The following RGL1 variants were observed in gnomAD, a reference collection of about 807,000 sequenced individuals.
RGL1 encodes ral guanine nucleotide dissociation stimulator like 1, also known as ral guanine nucleotide dissociation stimulator-like 1.
In RGL1, 24 loss-of-function variants were observed where a neutral mutation model predicts 95.2. That is an observed-to-expected ratio of 0.25 (90% confidence interval 0.18 to 0.35). The LOEUF is 0.35. Among genes scored for constraint, RGL1 ranks in the 10% least tolerant of loss-of-function variants. RGL1 has a pLI of 1.00. For missense variants in RGL1, 715 were observed against 936.3 expected (o/e 0.76, Z 3.08); for synonymous variants, 329 against 344.9 (o/e 0.95, Z 0.51).
intron 2 of RGL1, among the ~76,000 whole-genome samples, chr1:183,768,732 A>G (rs964930776): frequency 3.3e-5 from 5 of 152,186 alleles, no homozygotes; most frequent in African/African-American, 7.2e-5. Context: ...TTGGCCTCCC[A>G]AAGTGCTGGG....
intron 15 of RGL1, among the ~76,000 whole-genome samples, chr1:183,913,538 G>A (rs940995318): frequency 2.0e-5 from 3 of 152,052 alleles, no homozygotes; most frequent in Non-Finnish European, 1.5e-5. Context: ...TTGGTTGAAG[G>A]GTTTGGATCA....
chr1:183,731,839 A>G (rs1656645029), intron 1 of RGL1, among the ~76,000 whole-genome samples: 1 of 152,164 alleles, frequency 6.6e-6, no homozygotes, highest in Non-Finnish European at 1.5e-5. Flanking sequence ...TTTGAAATAT[A>G]ATCTATCATT....
At chr1:183,837,446 G>A (rs1005475551) in intron 2 of RGL1, among the ~76,000 whole-genome samples, 2 of 152,106 alleles carry the variant, frequency 1.3e-5, no homozygotes, top group South Asian at 2.1e-4. Flanking sequence ...GAAAAAGGAG[G>A]GAGCTATGAA....
chr1:183,814,966 T>G (rs1309366998), intron 2 of RGL1, among the ~76,000 whole-genome samples: 5 of 152,212 alleles, frequency 3.3e-5, no homozygotes, highest in African/African-American at 9.6e-5. Flanking sequence ...AGTCATGACT[T>G]TTCCAATTAA....
intron 1 of RGL1, among the ~76,000 whole-genome samples, chr1:183,676,458 T>A (rs1436503508): frequency 6.6e-6 from 1 of 151,966 alleles, no homozygotes; most frequent in East Asian, 2.0e-4. Context: ...TTCTTTCCAC[T>A]CATCCATATG....
At chr1:183,762,870 C>T (rs139706296) in intron 2 of RGL1, among the ~76,000 whole-genome samples, 2,328 of 152,202 alleles carry the variant, frequency 0.015, 75 homozygotes, top group African/African-American at 0.054. Context: ...TGCCATTTGA[C>T]CCAGAAATCC....
At chr1:183,911,656 T>C in intron 14 of RGL1, among the ~76,000 whole-genome samples, 1 of 152,256 alleles carries the variant, frequency 6.6e-6, no homozygotes, top group East Asian at 1.9e-4. Flanking sequence ...GCATTTAGGA[T>C]ACTGTAGTTC....
At chr1:183,878,892 C>G (rs1042472586) in intron 4 of RGL1, among the ~76,000 whole-genome samples, 2 of 152,136 alleles carry the variant, frequency 1.3e-5, no homozygotes, top group African/African-American at 4.8e-5. Flanking sequence ...AGTATCTTTT[C>G]ACTGAAATAT....
chr1:183,869,859 G>A (rs1414575019), intron 4 of RGL1, among the ~76,000 whole-genome samples: 2 of 152,146 alleles, frequency 1.3e-5, no homozygotes, highest in African/African-American at 4.8e-5. Flanking sequence ...ATGATTGAGG[G>A]CTTCCTGATG....
chr1:183,900,280 A>T (rs1272604485), intron 11 of RGL1, 44 bp downstream of exon 11: 1 of 1,461,822 alleles, frequency 6.8e-7, no homozygotes, highest in East Asian at 2.3e-5. Flanking sequence ...CAGCCTTCCC[A>T]CTGGATACCC....
At chr1:183,853,501 G>A (rs1468578343) in intron 3 of RGL1, among the ~76,000 whole-genome samples, 1 of 152,066 alleles carries the variant, frequency 6.6e-6, no homozygotes, top group Non-Finnish European at 1.5e-5. Flanking sequence ...GGACATTCGG[G>A]GTTTTTAAAG....
chr1:183,667,136 A>G (rs1418412691), intron 1 of RGL1, among the ~76,000 whole-genome samples: 1 of 152,192 alleles, frequency 6.6e-6, no homozygotes, highest in African/African-American at 2.4e-5. Flanking sequence ...CTCTGAAATT[A>G]ATGTAGCTAC....
At chr1:183,719,295 A>G (rs1332471095) in intron 1 of RGL1, among the ~76,000 whole-genome samples, 1 of 152,238 alleles carries the variant, frequency 6.6e-6, no homozygotes, top group Non-Finnish European at 1.5e-5. Flanking sequence ...CTTACTGAGC[A>G]GTCCTGCACC....
In RGL1 at chr1:183,923,872, TGG is replaced by T. The variant is rs1230325009; in HGVS notation, c.2119+1537_2119+1538del. On this transcript the variant is annotated intron_variant, in intron 17 of 17. Coordinates refer to ENST00000360851, the MANE Select transcript of RGL1 (RefSeq NM_001297671.3). ...AACCTGCTCATATCAGTCTTGTTGT[TGG>T]ATATCAATGTTTGAAGTTAACTTAA... is the stretch of plus-strand genomic sequence containing the variant. 2.6e-5 allele frequency among the ~76,000 whole-genome samples: 4 copies of T among 152,366 alleles called. 1 individual carries two copies. The South Asian group carries it at 6.2e-4, about 24-fold the overall frequency.
rs1294731450 is a variant in RGL1 at position 183,736,328 on chromosome 1, G to T, written c.-32-5798G>T. On this transcript the variant is annotated intron_variant, in intron 1 of 18. Coordinates refer to the RGL1 transcript ENST00000304685. ...GTTTTGCTTTCTACATTTGAGGGAG[G>T]TGAATGCTTTACTTTTGTAACTGTA... Among the ~76,000 whole-genome samples, 4 of 152,162 alleles carry T rather than the reference G, an allele frequency of 2.6e-5. No homozygotes were observed. The East Asian group carries it at 7.7e-4, about 29-fold the overall frequency.
intron 2 of RGL1, among the ~76,000 whole-genome samples, chr1:183,823,175 C>T (rs1662610668): frequency 6.6e-6 from 1 of 152,134 alleles, no homozygotes; most frequent in African/African-American, 2.4e-5. Context: ...CAGCTTCATA[C>T]AGTTCCAGCT....
exon 1 of RGL1, chr1:183,636,294 G>A (rs937056092): frequency 1.0e-5 from 4 of 397,290 alleles, no homozygotes; most frequent in African/African-American, 6.2e-5. Flanking sequence ...GCACACCCGG[G>A]CGCCCAGCAT....
At chr1:183,772,103 C>G (rs1659311880) in intron 2 of RGL1, among the ~76,000 whole-genome samples, 2 of 152,214 alleles carry the variant, frequency 1.3e-5, no homozygotes, top group Admixed American at 6.5e-5. Context: ...CATCGGTGGA[C>G]AGCTGCTTCC....
chr1:183,912,286 C>T lies in RGL1; in HGVS notation c.1749+18C>T. On this transcript the variant is annotated intron_variant, in intron 15 of 17. Transcript: ENST00000360851. ...AAAAAAAGGTATATACTCAACCCTT[C>T]TCATAATTCCTAATGCAGGCACCTA... 1 of 1,601,282 alleles carries T rather than the reference C, an allele frequency of 6.2e-7. No homozygotes were observed. The highest frequency in any genetic ancestry group is 1.1e-5 in the South Asian group (1 of 89,982).
Sources: allele counts gnomAD v4.1 joint callset (sites outside exome capture counted in the v4.1 genomes callset), GRCh38; gene constraint gnomAD v4.1.1; transcripts MANE v1.5; gene names NCBI Gene and HGNC (gene_info 2026-07-23, HGNC 2026-07-21).